EZH1: variants seen among roughly 807,000 people sequenced by gnomAD.
EZH1 encodes histone-lysine N-methyltransferase EZH1.
EZH1 carries 33 observed loss-of-function variants against 100.5 expected under a neutral mutation model. That is an observed-to-expected ratio of 0.33 (90% confidence interval 0.25 to 0.44). The LOEUF is 0.44. Among genes scored for constraint, EZH1 ranks in the 20% least tolerant of loss-of-function variants. The pLI is 1.00. For missense variants in EZH1, 475 were observed against 928.4 expected, an observed-to-expected ratio of 0.51 and a Z score of 6.35; for synonymous variants, 272 against 313.8, an observed-to-expected ratio of 0.87 and a Z score of 1.41.
At chr17:42,710,314 G>A (rs1452921319) in intron 12 of EZH1, among the ~76,000 whole-genome samples, 1 of 152,148 alleles carries the variant, frequency 6.6e-6, no homozygotes, top group East Asian at 1.9e-4. Flanking sequence ...GGACAGGACA[G>A]GACAGGAATG....
intron 1 of EZH1, among the ~76,000 whole-genome samples, chr17:42,733,533 C>T (rs142849006): frequency 0.032 from 4,780 of 148,006 alleles, 256 homozygotes; most frequent in African/African-American, 0.11. Context: ...CTCAGCTACT[C>T]GGGAGGCTGA....
At chr17:42,732,319 C>T (rs2053966245) in intron 1 of EZH1, among the ~76,000 whole-genome samples, 1 of 152,000 alleles carries the variant, frequency 6.6e-6, no homozygotes, top group South Asian at 2.1e-4. Flanking sequence ...TTTTCTTTTG[C>T]TGTTGTTTTT....
rs750362899 is a variant in EZH1 at position 42,708,831 on chromosome 17, G to T, written c.1534+45C>A. On this transcript the variant is annotated intron_variant, in intron 14 of 20. Coordinates refer to ENST00000428826, the MANE Select transcript of EZH1 (RefSeq NM_001991.5). ...TGGGGTAGGGTGATGACCACAGAGTGAGGCCTCCAGCTGAACTGCTGAAGA... is the reference window on the plus strand; with the variant it reads ...TGGGGTAGGGTGATGACCACAGAGTTAGGCCTCCAGCTGAACTGCTGAAGA... 9.9e-6 allele frequency: 16 copies of T among 1,608,124 alleles called. No individual in the cohort carries two copies. In the East Asian group the frequency reaches 3.6e-4, roughly 36 times the overall value.
intron 6 of EZH1, 105 bp downstream of exon 6, chr17:42,722,690 G>A: frequency 2.8e-6 from 3 of 1,056,814 alleles, no homozygotes; most frequent in Non-Finnish European, 4.1e-6. Flanking sequence ...TCTGCAGTGT[G>A]TACCCCATGG....
chr17:42,724,643 G>A (rs773826690), intron 4 of EZH1: 13 of 419,938 alleles, frequency 3.1e-5, no homozygotes, highest in Non-Finnish European at 4.5e-5. Context: ...AAAATTAGCT[G>A]AGCATGGTGG....
At chr17:42,728,096 C>A (rs1186039205) in intron 3 of EZH1, among the ~76,000 whole-genome samples, 2 of 138,916 alleles carry the variant, frequency 1.4e-5, no homozygotes, top group Non-Finnish European at 3.1e-5. Context: ...GAATTACAGG[C>A]ATGAGCCACC....
intron 15 of EZH1, 55 bp downstream of exon 15, chr17:42,707,903 G>A: frequency 1.2e-6 from 2 of 1,610,356 alleles, no homozygotes; most frequent in South Asian, 2.2e-5. Flanking sequence ...GCAAGCCTAG[G>A]GCACACTGGA....
rs183726900 is a variant in EZH1 at position 42,713,470 on chromosome 17, A to G, written c.1024-81T>C. The G allele has an allele frequency of 1.5e-5, 19 of 1,300,672 alleles. No homozygotes were observed. The East Asian group carries it at 4.7e-4, about 32-fold the overall frequency. The allele number at this position is 1,300,672 out of a possible 1,614,324, so 80.6% of individuals were successfully genotyped here. On this transcript the variant is annotated intron_variant, in intron 10 of 20. Transcript: ENST00000428826. The stretch of plus-strand genomic sequence containing the variant: ...CTCATCATCACAAACTTTCATCTTT[A>G]CAACATCTGTCTACAATAATAGTGT...
chr17:42,720,487 T>G, intron 6 of EZH1, 38 bp from the exon 7 acceptor site: 1 of 1,574,682 alleles, frequency 6.4e-7, no homozygotes, highest in Non-Finnish European at 8.6e-7. Context: ...CAGTGGTCAC[T>G]TCACATTCCA....
At chr17:42,728,004 A>C (rs2053857123) in intron 3 of EZH1, among the ~76,000 whole-genome samples, 1 of 151,300 alleles carries the variant, frequency 6.6e-6, no homozygotes, top group African/African-American at 2.4e-5. Flanking sequence ...TTTGGTAGAG[A>C]CAGGGTTTCA....
intron 1 of EZH1, among the ~76,000 whole-genome samples, chr17:42,733,939 C>CA (rs71157668): frequency 0.1 from 5,023 of 49,270 alleles, 358 homozygotes; most frequent in East Asian, 0.25. Flanking sequence ...GACTCCATCT[C>CA]AAAAAAAAAA....
chr17:42,741,688 C>T (rs1158732072), intron 1 of EZH1, among the ~76,000 whole-genome samples: 1 of 152,098 alleles, frequency 6.6e-6, no homozygotes, highest in African/African-American at 2.4e-5. Flanking sequence ...TATTTTGAAT[C>T]GGTTTCTTAT....
At chr17:42,708,344 C>G (rs560584750) in intron 14 of EZH1, among the ~76,000 whole-genome samples, 8 of 152,156 alleles carry the variant, frequency 5.3e-5, no homozygotes, top group African/African-American at 1.9e-4. Context: ...TGGAACCTAG[C>G]AAATGGCACA....
intron 1 of EZH1, among the ~76,000 whole-genome samples, chr17:42,735,514 C>T (rs1249099134): frequency 6.6e-6 from 1 of 152,124 alleles, no homozygotes; most frequent in Non-Finnish European, 1.5e-5. Flanking sequence ...TAGTTACTTA[C>T]ACATGCAAAA....
chr17:42,719,690 T>A (rs1285701812), intron 7 of EZH1, among the ~76,000 whole-genome samples: 1 of 152,182 alleles, frequency 6.6e-6, no homozygotes, highest in East Asian at 1.9e-4. Flanking sequence ...TGAGCCGAGA[T>A]TGTGCCACTG....
In EZH1 at chr17:42,728,834, C is replaced by T. The variant is rs1194330891; in HGVS notation, c.108G>A (p.Met36Ile). ...GGGAATTATTTTTTACCTTTGCACC[C>T]ATATTTGCCTGAAGCCGTTTAAGTT... ...LRQLKRLQAN[M>I]GAKALYVANF... Residue 36 changes from methionine (M) to isoleucine (I), a missense_variant, in exon 3 of 21, where the codon ATG becomes ATA. Physicochemically the swap from Met to Ile is conservative, Grantham distance 10. Coordinates refer to ENST00000428826, the MANE Select transcript of EZH1 (RefSeq NM_001991.5). 1 of 1,613,140 alleles carries T rather than the reference C, an allele frequency of 6.2e-7. No homozygotes were observed. Among genetic ancestry groups the T allele is most frequent in the Middle Eastern group, 1.6e-4 (1 of 6,062 alleles).
chr17:42,729,074 C>T (rs927946938), intron 2 of EZH1, 122 bp from the exon 3 acceptor site: 1 of 1,083,674 alleles, frequency 9.2e-7, no homozygotes, highest in African/African-American at 1.6e-5. Context: ...CATAAAAACA[C>T]ACATTTAAAG....
At chr17:42,707,666 G>A (rs200300617) in intron 15 of EZH1, among the ~76,000 whole-genome samples, 3 of 152,244 alleles carry the variant, frequency 2.0e-5, no homozygotes, top group South Asian at 4.1e-4. Flanking sequence ...GATTACAGGC[G>A]TGAGTGACTG....
In EZH1 at chr17:42,709,899, C is replaced by T; in HGVS notation, c.1440G>A (p.Lys480=). 1 of 1,614,190 alleles carries T rather than the reference C, an allele frequency of 6.2e-7. No individual in the cohort carries two copies. The highest frequency in any genetic ancestry group is 8.5e-7 in the Non-Finnish European group (1 of 1,180,006). ...QFAVKESLIL[K]LPTDELMNPS... ...GGTTCATGAGCTCATCTGTTGGCAG[C>T]TTCAGGATAAGTGATTCTTTGACTG... The change falls in exon 13 of 21, where the codon AAG becomes AAA. Residue 480 remains lysine (K), a synonymous_variant. Coordinates refer to ENST00000428826, the MANE Select transcript of EZH1 (RefSeq NM_001991.5).
Sources: gnomAD v4.1 joint callset for allele counts (sites outside exome capture counted in the v4.1 genomes callset) on GRCh38, gnomAD v4.1.1 for gene constraint, MANE v1.5 for transcripts, NCBI Gene and HGNC (gene_info 2026-07-23, HGNC 2026-07-21) for gene names.